Variants in MINK1 observed in about 807,000 individuals in gnomAD.
MINK1 encodes misshapen like kinase 1.
Under a neutral mutation model 178.4 loss-of-function variants are expected in MINK1, and 46 were observed. That is an observed-to-expected ratio of 0.26 (90% CI 0.20 to 0.33). The LOEUF is 0.33. MINK1 is among the 10% of genes least tolerant of loss of function. The pLI, the probability that MINK1 is intolerant of heterozygous loss-of-function variation, is 1.00. For missense variants in MINK1, 1,366 were observed against 1,814.9 expected (o/e 0.75, Z 4.49); for synonymous variants, 797 against 709.7 (o/e 1.12, Z -1.96).
In MINK1 at chr17:4,833,609, G is replaced by A. The variant is rs1219469257; in HGVS notation, c.26G>A (p.Ser9Asn). 2 of 1,502,758 alleles carry A rather than the reference G, an allele frequency of 1.3e-6. No individual in the cohort carries two copies. Among genetic ancestry groups the A allele is most frequent in the Non-Finnish European group, 1.8e-6 (2 of 1,132,540 alleles). 93.1% of individuals were successfully genotyped at this position (1,502,758 alleles called of 1,614,324 possible). Residue 9 changes from serine to asparagine, a missense_variant, in exon 1 of 32, where the codon AGC becomes AAC. Physicochemically the swap from Ser to Asn is conservative, Grantham distance 46. Transcript: ENST00000355280. The surrounding 1 kb of genome is among the most constrained non-coding windows in gnomAD (Gnocchi z 4.8). Reference protein sequence around the residue: MGDPAPARSLDDIDLSALR... With the variant: MGDPAPARNLDDIDLSALR... ...ATGGGCGACCCAGCCCCCGCCCGCA[G>A]CCTGGACGACATCGACCTGTCCGCC...
At position 4,886,763 on chromosome 17, in the gene MINK1, T is replaced by C. The variant is rs1048036348; in HGVS notation, c.949+137T>C. ...CTCTCCCTGTCCAAGGAGATCGTTC[T>C]CAAACTTGCAACCCCCAAGGGGTTT... On this transcript the variant is annotated intron_variant, in intron 10 of 31. Coordinates refer to ENST00000355280, the MANE Select transcript of MINK1 (RefSeq NM_153827.5). The surrounding 1 kb of genome is among the most constrained non-coding windows in gnomAD (Gnocchi z 6.1). The C allele has an allele frequency of 9.6e-7, 1 of 1,036,344 alleles. No homozygotes were observed. Among genetic ancestry groups the C allele is most frequent in the South Asian group, 1.7e-5 (1 of 58,040 alleles). The allele number at this position is 1,036,344 out of a possible 1,614,324, so 64.2% of individuals were successfully genotyped here. A position where few individuals can be genotyped will look rare whatever the true frequency, so the allele number is the denominator to read the frequency against.
intron 1 of MINK1, among the ~76,000 whole-genome samples, chr17:4,859,847 C>T (rs1278694790): frequency 5.9e-5 from 8 of 136,210 alleles, no homozygotes; most frequent in African/African-American, 1.9e-4. Context: ...TAACAGTTTG[C>T]ATTTGCTAAA....
rs140850742 is a variant in MINK1, at chr17:4,866,929, C to T, written c.58-11388C>T. ...TCTACTAAAAATACAGAAAATTAGC[C>T]GGGCGTGGTGGCGGGCGCCTGTAGT... On this transcript the variant is annotated intron_variant, in intron 1 of 31. Coordinates refer to ENST00000355280, the MANE Select transcript of MINK1 (RefSeq NM_153827.5). Among the ~76,000 whole-genome samples the T allele has an allele frequency of 9.8e-3, 1,476 of 151,376 alleles. 13 individuals carry two copies. The highest frequency in any genetic ancestry group is 0.015 in the Non-Finnish European group (999 of 67,808).
chr17:4,884,947 T>C lies in MINK1; in HGVS notation c.453T>C (p.His151=). 1 of 1,613,922 alleles carries C rather than the reference T, an allele frequency of 6.2e-7. No individual in the cohort carries two copies. ...LAHLHAHKVI[H]RDIKGQNVLL... ...ATCTCCATGCCCACAAGGTGATCCA[T>C]CGAGACATCAAGGGGCAGAATGTGC... is the stretch of plus-strand genomic sequence containing the variant. The change falls in exon 6 of 32, where the codon CAT becomes CAC. Residue 151 remains histidine (H), a synonymous_variant. Transcript: ENST00000355280.
intron 17 of MINK1, 37 bp downstream of exon 17, chr17:4,892,271 G>A (rs1968904199): frequency 6.5e-7 from 1 of 1,538,778 alleles, no homozygotes; most frequent in Non-Finnish European, 8.8e-7. Flanking sequence ...GGTGAGGTCT[G>A]AGGGCAGCCT....
At chr17:4,884,702 C>T (rs998189465) in intron 5 of MINK1, among the ~76,000 whole-genome samples, 3 of 152,174 alleles carry the variant, frequency 2.0e-5, no homozygotes, top group Admixed American at 2.0e-4. Flanking sequence ...ACCTGTAACC[C>T]TGCAACTGCT....
chr17:4,869,797 TTTATTTTATTTA>T (rs1270479681), intron 1 of MINK1, among the ~76,000 whole-genome samples: 10 of 143,260 alleles, frequency 7.0e-5, no homozygotes, highest in Non-Finnish European at 3.0e-5. Flanking sequence ...TTTATTCATT[TTTATTTTATTTA>T]TTATTTTATT....
chr17:4,869,528 C>T (rs1477392928), intron 1 of MINK1, among the ~76,000 whole-genome samples: 2 of 151,908 alleles, frequency 1.3e-5, no homozygotes, highest in Non-Finnish European at 2.9e-5. Context: ...CCTCCTGCCT[C>T]GGCCTCCCAA....
chr17:4,849,114 G>T (rs1161734761), intron 1 of MINK1, among the ~76,000 whole-genome samples: 1 of 152,142 alleles, frequency 6.6e-6, no homozygotes, highest in African/African-American at 2.4e-5. Context: ...TGTGGGCTTG[G>T]CTTCCCTTTC....
chr17:4,872,745 C>T (rs548667897), intron 1 of MINK1, among the ~76,000 whole-genome samples: 9 of 152,318 alleles, frequency 5.9e-5, no homozygotes, highest in African/African-American at 2.2e-4. Flanking sequence ...GCACTCCAGC[C>T]TGGGTGACAG....
rs543775309 is a variant in MINK1 at position 4,836,188 on chromosome 17, G to A, written c.57+2548G>A. Among the ~76,000 whole-genome samples, 26 of 152,274 alleles carry A rather than the reference G, an allele frequency of 1.7e-4. No homozygotes were observed. The South Asian group carries it at 5.2e-3, about 30-fold the overall frequency. On this transcript the variant is annotated intron_variant, in intron 1 of 31. Transcript: ENST00000355280. This position sits in a 1 kb window ranked among gnomAD's most constrained non-coding sequence, Gnocchi z 4.3. The stretch of plus-strand genomic sequence containing the variant: ...TTTACTACACCATCTTGTGTTGGGG[G>A]CTGGGGAGAGGGATGGGAGAGGAAC...
chr17:4,843,502 A>C (rs1910565844), intron 1 of MINK1, among the ~76,000 whole-genome samples: 1 of 151,970 alleles, frequency 6.6e-6, no homozygotes, highest in South Asian at 2.1e-4. Context: ...GAAAAAGAAA[A>C]AGAAAAAAAA....
chr17:4,860,795 T>C (rs1567576744), intron 1 of MINK1: 1 of 520,068 alleles, frequency 1.9e-6, no homozygotes, highest in East Asian at 5.5e-5. Flanking sequence ...ACCACGGCGC[T>C]GTGTCCCTTA....
Position 4,893,022 on chromosome 17 carries a change from T to C in MINK1, c.2355T>C (p.Asn785=), listed in dbSNP as rs1169211311. 1.9e-6 allele frequency: 3 copies of C among 1,579,504 alleles called. No homozygotes were observed. The highest frequency in any genetic ancestry group is 2.4e-5 in the East Asian group (1 of 42,222). Residue 785 remains asparagine, a synonymous_variant, in exon 20 of 32, where the codon AAT becomes AAC. Transcript: ENST00000355280. ...PDSSPVLSPG[N]KAKPDDHRSR... is the part of the protein sequence containing the mutation. ...GCTCCCCTGTGCTCTCCCCTGGGAA[T>C]AAAGCCAAGCCCGACGACCACCGCT...
intron 1 of MINK1, among the ~76,000 whole-genome samples, chr17:4,855,830 T>C (rs1913029659): frequency 6.8e-6 from 1 of 146,252 alleles, no homozygotes; most frequent in South Asian, 2.2e-4. Flanking sequence ...AAAAATCAGC[T>C]GGATGTGGTA....
chr17:4,850,643 A>G (rs1391580840), intron 1 of MINK1, among the ~76,000 whole-genome samples: 1 of 150,866 alleles, frequency 6.6e-6, no homozygotes, highest in Admixed American at 6.6e-5. Context: ...GTTTTCTCTC[A>G]TGGCCTGTCA....
intron 1 of MINK1, among the ~76,000 whole-genome samples, chr17:4,846,420 G>A (rs1334092793): frequency 2.0e-5 from 3 of 152,188 alleles, no homozygotes; most frequent in Non-Finnish European, 4.4e-5. Flanking sequence ...GCAGTCTAAA[G>A]CGTACTTTTT....
intron 1 of MINK1, among the ~76,000 whole-genome samples, chr17:4,860,249 GTCC>G (rs1269728153): frequency 7.2e-5 from 11 of 152,124 alleles, no homozygotes; most frequent in Non-Finnish European, 1.0e-4. Flanking sequence ...TCATTCAGTC[GTCC>G]ACCTCTTTCA....
intron 1 of MINK1, among the ~76,000 whole-genome samples, chr17:4,847,418 T>C (rs1567561221): frequency 1.3e-5 from 2 of 152,200 alleles, no homozygotes; most frequent in Admixed American, 1.3e-4. Flanking sequence ...GAGCTGATGC[T>C]GGTTTGAATC....
Sources: allele counts gnomAD v4.1 joint callset (sites outside exome capture counted in the v4.1 genomes callset), GRCh38; gene constraint gnomAD v4.1.1; non-coding constraint Gnocchi (gnomAD v3.1); transcripts MANE v1.5; gene names NCBI Gene and HGNC (gene_info 2026-07-23, HGNC 2026-07-21).